The following ZNF343 variants were observed in gnomAD, a reference collection of about 807,000 sequenced individuals.
The protein encoded by ZNF343 is zinc finger protein 343.
ZNF343 carries 11 observed loss-of-function variants against 13.8 expected under a neutral mutation model. That is an observed-to-expected ratio of 0.80 (90% CI 0.50 to 1.32). The LOEUF (loss-of-function observed/expected upper bound fraction) is 1.32, where lower values mean the gene tolerates loss of function less well. Among genes scored for constraint, ZNF343 ranks in the 40% most tolerant of loss-of-function variants. ZNF343 has a pLI of 0.00. For synonymous variants in ZNF343, 248 were observed against 260.0 expected, an observed-to-expected ratio of 0.95 and a Z score of 0.44; for missense variants, 658 against 714.2, an observed-to-expected ratio of 0.92 and a Z score of 0.90.
chr20:2,508,647 C>T lies in ZNF343; in HGVS notation c.-237+234G>A, dbSNP rs1048608361. Among the ~76,000 whole-genome samples the T allele has an allele frequency of 3.3e-5, 5 of 152,298 alleles. No homozygotes were observed. Among genetic ancestry groups the T allele is most frequent in the African/African-American group, 1.2e-4 (5 of 41,558 alleles). On this transcript the variant is annotated intron_variant, in intron 1 of 5. Coordinates refer to ENST00000278772, the MANE Select transcript of ZNF343 (RefSeq NM_024325.6). This position sits in a 1 kb window ranked among gnomAD's most constrained non-coding sequence, Gnocchi z 4.5. ...GAGTTCTAGGTCACTCTCGTCCCCC[C>T]GGGGGGAAAAAAGGTCCGCGGAGGT...
At chr20:2,499,104 C>T (rs144696648) in intron 2 of ZNF343, among the ~76,000 whole-genome samples, 2,039 of 150,034 alleles carry the variant, frequency 0.014, 11 homozygotes, top group Non-Finnish European at 0.021. Flanking sequence ...GGATTACAGG[C>T]GTGAGCCACC....
chr20:2,507,372 T>C (rs1358656842), intron 1 of ZNF343, among the ~76,000 whole-genome samples: 1 of 151,766 alleles, frequency 6.6e-6, no homozygotes. Flanking sequence ...GACAGAACCA[T>C]GTGGGGACAT....
At chr20:2,512,901 C>A (rs1169853612), upstream of ZNF343, among the ~76,000 whole-genome samples, 4 of 133,968 alleles carry the variant, frequency 3.0e-5, no homozygotes, top group African/African-American at 5.8e-5. Flanking sequence ...GACTAGGCAA[C>A]ATAGACCATT....
At chr20:2,520,621 A>G (rs1473498849) in intron 1 of ZNF343, among the ~76,000 whole-genome samples, 1 of 152,118 alleles carries the variant, frequency 6.6e-6, no homozygotes, top group Non-Finnish European at 1.5e-5. Flanking sequence ...ATTTTATTTT[A>G]CTAGATATGC....
intron 2 of ZNF343, among the ~76,000 whole-genome samples, chr20:2,497,663 T>C (rs75674838): frequency 1.3e-5 from 2 of 152,090 alleles, no homozygotes; most frequent in East Asian, 1.9e-4. Flanking sequence ...AGGCAACAAG[T>C]ATAGACCATT....
intron 2 of ZNF343, among the ~76,000 whole-genome samples, chr20:2,497,547 C>A (rs2085480877): frequency 6.6e-6 from 1 of 152,222 alleles, no homozygotes; most frequent in Non-Finnish European, 1.5e-5. Flanking sequence ...ACTGGAAATT[C>A]ATTCCTGTGT....
Position 2,493,550 on chromosome 20 carries a change from G to A in ZNF343, c.146C>T (p.Pro49Leu), listed in dbSNP as rs780173765. 2.5e-6 allele frequency: 4 copies of A among 1,613,562 alleles called. No homozygotes were observed. Among genetic ancestry groups the A allele is most frequent in the East Asian group, 2.2e-5 (1 of 44,862 alleles). The part of the protein sequence containing the change: ...KGLPSNDTDC[P>L]QKKEGKAQIV... ...TTGGGCCTTTCCCTCCTTTTTCTGG[G>A]GGCAGTCAGTATCATTAGAAGGCAA... is the stretch of plus-strand genomic sequence containing the variant. The change falls in exon 4 of 6, where the codon CCC (proline) becomes CTC (leucine). Residue 49 changes from proline to leucine, a missense_variant. Pro to Leu is a moderately conservative substitution (Grantham distance 98). Transcript: ENST00000278772.
upstream of ZNF343, among the ~76,000 whole-genome samples, chr20:2,512,865 C>A (rs2122751681): frequency 6.8e-6 from 1 of 147,358 alleles, no homozygotes; most frequent in Admixed American, 6.8e-5. Context: ...GCAGGAGGAT[C>A]ATTTGAGCTC....
In ZNF343 at chr20:2,492,682, A is replaced by G. The variant is rs772198868; in HGVS notation, c.304+17T>C. The G allele has an allele frequency of 1.2e-5, 19 of 1,603,940 alleles. No homozygotes were observed. Among genetic ancestry groups the G allele is most frequent in the Non-Finnish European group, 1.4e-5 (17 of 1,177,666 alleles). On this transcript the variant is annotated intron_variant, in intron 5 of 5. Transcript: ENST00000278772. The stretch of plus-strand genomic sequence containing the variant: ...CTCTACTGAATTAATGAAGGAAAGG[A>G]AAGAACACAGCCTTACCCAATGAGA...
chr20:2,490,544 T>G (rs887390283), intron 5 of ZNF343, among the ~76,000 whole-genome samples: 3 of 144,528 alleles, frequency 2.1e-5, no homozygotes, highest in African/African-American at 7.7e-5. Flanking sequence ...TTGGTTTTTG[T>G]TTTTTTTTTT....
In ZNF343 at chr20:2,484,657, C is replaced by T; in HGVS notation, c.305-1G>A. 2 of 1,579,068 alleles carry T rather than the reference C, an allele frequency of 1.3e-6. No homozygotes were observed. Among genetic ancestry groups the T allele is most frequent in the Non-Finnish European group, 1.7e-6 (2 of 1,162,988 alleles). ...GTGTAGATTTCTGGCTTTGGTTCTG[C>T]TGAAGAATGAAAGTTTTCTGTTAGA... On this transcript the variant is annotated splice_acceptor_variant, in intron 5 of 5. Coordinates refer to ENST00000278772, the MANE Select transcript of ZNF343 (RefSeq NM_024325.6). LOFTEE classifies it high-confidence loss of function.
chr20:2,519,774 C>A (rs983879944), intron 1 of ZNF343, among the ~76,000 whole-genome samples: 1 of 152,128 alleles, frequency 6.6e-6, no homozygotes. Flanking sequence ...TGGACCTGAA[C>A]CTTAGTTGAA....
intron 5 of ZNF343, among the ~76,000 whole-genome samples, chr20:2,489,031 G>C (rs1025976397): frequency 6.6e-6 from 1 of 152,146 alleles, no homozygotes; most frequent in South Asian, 2.1e-4. Flanking sequence ...GATGACAGAC[G>C]TGAGACCCTG....
In ZNF343 at chr20:2,483,234, T is replaced by C. The variant is rs868079092; in HGVS notation, c.1727A>G (p.His576Arg). ...VHQRTHSGEK[H>R]YVCRECGRGF... Reference sequence around the variant, plus strand: ...TCGCCCACACTCCCTACAAACATAATGCTTCTCCCCTGAGTGTGTCCTCTG... The same window carrying C: ...TCGCCCACACTCCCTACAAACATAACGCTTCTCCCCTGAGTGTGTCCTCTG... The change falls in exon 6 of 6, where the codon CAT becomes CGT. Residue 576 changes from histidine (H) to arginine (R), a missense_variant. His to Arg is a conservative substitution (Grantham distance 29). Transcript: ENST00000278772. The C allele has an allele frequency of 1.3e-6, 2 of 1,586,746 alleles. No homozygotes were observed. The highest frequency in any genetic ancestry group is 1.8e-5 in the Admixed American group (1 of 56,166).
intron 1 of ZNF343, among the ~76,000 whole-genome samples, chr20:2,514,318 C>T (rs2085750241): frequency 6.6e-6 from 1 of 152,154 alleles, no homozygotes; most frequent in Non-Finnish European, 1.5e-5. Context: ...GCCTCAACTG[C>T]ACTTTTCTTC....
intron 5 of ZNF343, chr20:2,486,827 A>G (rs562676090): frequency 1.3e-5 from 2 of 152,324 alleles, no homozygotes; most frequent in Middle Eastern, 3.4e-3. Flanking sequence ...TCCTTACAAA[A>G]CACAAATATA....
rs529775469 is a variant in ZNF343 at position 2,484,316 on chromosome 20, G to C, written c.645C>G (p.Pro215=). 1.9e-6 allele frequency: 3 copies of C among 1,614,200 alleles called. No individual in the cohort carries two copies. Among genetic ancestry groups the C allele is most frequent in the Non-Finnish European group, 1.7e-6 (2 of 1,180,028 alleles). The change falls in exon 6 of 6, where the codon CCC becomes CCG. Residue 215 remains proline (P), a synonymous_variant. Transcript: ENST00000278772. Reference sequence around the variant, plus strand: ...CAGGGTTTGGTCTTTGGGCTGAGCTGGGCTCTGTTTCTACCACCATGTTGC... The same window carrying C: ...CAGGGTTTGGTCTTTGGGCTGAGCTCGGCTCTGTTTCTACCACCATGTTGC... ...RKGNMVVETE[P]SSAQRPNPVQ...
chr20:2,483,714 C>T lies in ZNF343; in HGVS notation c.1247G>A (p.Arg416Gln), dbSNP rs1289411596. 4 of 1,613,798 alleles carry T rather than the reference C, an allele frequency of 2.5e-6. No homozygotes were observed. Among genetic ancestry groups the T allele is most frequent in the Non-Finnish European group, 3.4e-6 (4 of 1,179,942 alleles). The stretch of plus-strand genomic sequence containing the variant: ...GAGATCTGAGTTCTGGCTAAAGCCT[C>T]GCCCACACTCCCTGCAAACATAAGG... ...EKPYVCRECG[R>Q]GFSQNSDLIK... The change falls in exon 6 of 6, where the codon CGA becomes CAA. Residue 416 changes from arginine to glutamine, a missense_variant. Arg to Gln is a conservative substitution (Grantham distance 43). Coordinates refer to ENST00000278772, the MANE Select transcript of ZNF343 (RefSeq NM_024325.6).
chr20:2,501,139 A>C (rs1177353483), intron 1 of ZNF343, among the ~76,000 whole-genome samples: 1 of 152,210 alleles, frequency 6.6e-6, no homozygotes, highest in African/African-American at 2.4e-5. Context: ...TGGTCTTAGC[A>C]AACGGCACAC....
Sources: allele counts gnomAD v4.1 joint callset (sites outside exome capture counted in the v4.1 genomes callset), GRCh38; gene constraint gnomAD v4.1.1; non-coding constraint Gnocchi (gnomAD v3.1); transcripts MANE v1.5; gene names NCBI Gene and HGNC (gene_info 2026-07-23, HGNC 2026-07-21).